SNX7: variants seen among roughly 807,000 people sequenced by gnomAD.
SNX7 encodes sorting nexin 7, also known as sorting nexin-7.
In SNX7, 35 loss-of-function variants were observed where a neutral mutation model predicts 48.4. That is an observed-to-expected ratio of 0.72 (90% CI 0.55 to 0.96). The LOEUF is 0.96. SNX7 is among the 40% of genes least tolerant of loss of function. SNX7 has a pLI of 0.00. For missense variants in SNX7, 553 were observed against 548.9 expected, an observed-to-expected ratio of 1.01 and a Z score of -0.07; for synonymous variants, 190 against 190.2, an observed-to-expected ratio of 1.00 and a Z score of 0.01.
intron 7 of SNX7, among the ~76,000 whole-genome samples, chr1:98,737,199 T>C (rs1163332400): frequency 6.6e-6 from 1 of 152,098 alleles, no homozygotes; most frequent in South Asian, 2.1e-4. Flanking sequence ...GTGTTTCCAC[T>C]GAGAGTCCCA....
chr1:98,665,836 C>T (rs901053873), intron 1 of SNX7, among the ~76,000 whole-genome samples: 8 of 152,116 alleles, frequency 5.3e-5, no homozygotes, highest in African/African-American at 1.9e-4. Flanking sequence ...GTGATCCACC[C>T]GTCTCGGCCT....
intron 3 of SNX7, 32 bp from the exon 4 acceptor site, chr1:98,691,503 C>A (rs1651122273): frequency 6.5e-7 from 1 of 1,536,102 alleles, no homozygotes; most frequent in Admixed American, 2.1e-5. Flanking sequence ...GCTAATAATA[C>A]TTGAATACCT....
intron 6 of SNX7, 129 bp from the exon 7 acceptor site, chr1:98,701,688 A>G (rs551844972): frequency 1.5e-5 from 8 of 538,382 alleles, no homozygotes; most frequent in African/African-American, 9.9e-5. Context: ...TTTTAAATGT[A>G]TTATATCCCC....
At chr1:98,728,788 C>T (rs1484748017) in intron 7 of SNX7, among the ~76,000 whole-genome samples, 2 of 152,164 alleles carry the variant, frequency 1.3e-5, no homozygotes, top group Non-Finnish European at 2.9e-5. Flanking sequence ...CATCCAGACT[C>T]ATAAAACAAG....
intron 7 of SNX7, among the ~76,000 whole-genome samples, chr1:98,734,258 A>G (rs1388502129): frequency 2.0e-5 from 3 of 152,076 alleles, no homozygotes; most frequent in East Asian, 1.9e-4. Flanking sequence ...TTTTCCTTCC[A>G]TTATGGTATG....
chr1:98,731,761 T>G (rs1177500567), intron 7 of SNX7, among the ~76,000 whole-genome samples: 1 of 152,086 alleles, frequency 6.6e-6, no homozygotes, highest in Non-Finnish European at 1.5e-5. Flanking sequence ...ATAGAAAAAG[T>G]ACAGTAAAAA....
intron 1 of SNX7, among the ~76,000 whole-genome samples, chr1:98,683,302 G>A (rs1004896288): frequency 5.3e-5 from 8 of 152,136 alleles, no homozygotes; most frequent in African/African-American, 1.9e-4. Flanking sequence ...GGGCTTTGAT[G>A]TAGGGTGGTT....
At chr1:98,726,196 C>T (rs184503551) in intron 7 of SNX7, among the ~76,000 whole-genome samples, 1 of 152,286 alleles carries the variant, frequency 6.6e-6, no homozygotes, top group East Asian at 1.9e-4. Context: ...CACAGGACTT[C>T]AGAGCCCAGA....
chr1:98,674,340 A>T (rs1290497310), intron 1 of SNX7, among the ~76,000 whole-genome samples: 1 of 152,134 alleles, frequency 6.6e-6, no homozygotes, highest in African/African-American at 2.4e-5. Context: ...GACATCAAGA[A>T]GTCAGCAGAG....
Position 98,757,727 on chromosome 1 carries a change from C to CTGAT in SNX7, c.1279-2299_1279-2296dup, listed in dbSNP as rs36110396. Among the ~76,000 whole-genome samples the CTGAT allele has an allele frequency of 2.2e-3, 329 of 150,534 alleles. 2 individuals carry two copies. The highest frequency in any genetic ancestry group is 0.01 in the Middle Eastern group (3 of 292). On this transcript the variant is annotated intron_variant, in intron 8 of 8. Coordinates refer to ENST00000306121, the MANE Select transcript of SNX7 (RefSeq NM_015976.5). ...ATTGCTTTATATATATAGTATCTAC[C>CTGAT]TGATTGATTGATTGATTGATTGATT...
At chr1:98,684,101 C>G (rs1451685468) in intron 1 of SNX7, among the ~76,000 whole-genome samples, 1 of 152,184 alleles carries the variant, frequency 6.6e-6, no homozygotes, top group African/African-American at 2.4e-5. Flanking sequence ...TTGAACCTTT[C>G]TGGCATTCTA....
chr1:98,700,997 T>G (rs189331816), intron 6 of SNX7, among the ~76,000 whole-genome samples: 1 of 152,312 alleles, frequency 6.6e-6, no homozygotes, highest in East Asian at 1.9e-4. Context: ...TATTAGAATT[T>G]CATTATTTAA....
At chr1:98,662,585 A>T (rs1649307033) in intron 1 of SNX7, 2 of 961,836 alleles carry the variant, frequency 2.1e-6, no homozygotes, top group African/African-American at 1.7e-5. Context: ...TGCTTATTTT[A>T]CTGTTGGAGG....
At chr1:98,726,416 G>A (rs1372496195) in intron 7 of SNX7, among the ~76,000 whole-genome samples, 2 of 152,170 alleles carry the variant, frequency 1.3e-5, no homozygotes, top group Non-Finnish European at 2.9e-5. Context: ...TAGGAGACAG[G>A]AAACTTATCG....
intron 1 of SNX7, among the ~76,000 whole-genome samples, chr1:98,670,110 A>G (rs149379078): frequency 1.3e-3 from 194 of 152,358 alleles, no homozygotes; most frequent in Admixed American, 4.1e-3. Flanking sequence ...ACTAAACTAC[A>G]TAGAATTAAA....
intron 1 of SNX7, among the ~76,000 whole-genome samples, chr1:98,675,561 C>G (rs774814693): frequency 6.6e-6 from 1 of 152,202 alleles, no homozygotes; most frequent in East Asian, 1.9e-4. Context: ...AAATAGAATG[C>G]TAAATTATGT....
chr1:98,692,773 A>C (rs1012480608), intron 4 of SNX7, among the ~76,000 whole-genome samples: 1 of 152,218 alleles, frequency 6.6e-6, no homozygotes, highest in African/African-American at 2.4e-5. Flanking sequence ...TTAATACTGC[A>C]TCTTTATGTT....
chr1:98,691,815 G>A, intron 4 of SNX7, 116 bp downstream of exon 4: 16 of 810,046 alleles, frequency 2.0e-5, no homozygotes, highest in South Asian at 1.6e-4. Context: ...GAATTGAGAT[G>A]GAATTTTTCA....
At chr1:98,662,130 T>G (rs983826189) in intron 1 of SNX7, 1 of 395,096 alleles carries the variant, frequency 2.5e-6, no homozygotes, top group Non-Finnish European at 4.4e-6. Context: ...CGCTCCCTCC[T>G]CCGCACTTTG....
Sources: allele counts gnomAD v4.1 joint callset (sites outside exome capture counted in the v4.1 genomes callset), GRCh38; gene constraint gnomAD v4.1.1; transcripts MANE v1.5; gene names NCBI Gene and HGNC (gene_info 2026-07-23, HGNC 2026-07-21).